WDR17: variants seen among roughly 807,000 people sequenced by gnomAD.
WDR17 encodes the protein WD repeat domain 17, also known as WD repeat-containing protein 17.
WDR17 carries 143 observed loss-of-function variants against 161.7 expected under a neutral mutation model. The ratio of observed to expected loss-of-function variants is 0.88; its 90% CI spans 0.77 to 1.02. WDR17 has a LOEUF of 1.02. Among genes scored for constraint, WDR17 ranks in the 50% least tolerant of loss-of-function variants. The pLI, the probability that WDR17 is intolerant of heterozygous loss-of-function variation, is 0.00. For synonymous variants in WDR17, 517 were observed against 515.6 expected, an observed-to-expected ratio of 1.00 and a Z score of -0.04; for missense variants, 1,469 against 1,520.9, an observed-to-expected ratio of 0.97 and a Z score of 0.57.
Position 176,146,156 on chromosome 4 carries a change from A to T in WDR17, c.1691A>T (p.Asp564Val). Residue 564 changes from aspartate to valine, a missense_variant, in exon 12 of 29, where the codon GAT (aspartate) becomes GTT (valine). Transcript: ENST00000508596. ...GGAATTCTTTGCAGTGGTTCTGATG[A>T]TGGGTATGTATTTTTGGATTCTAAT... ...REGILCSGSDDGTVRIWDYTQ... is the reference protein window; with the variant it reads ...REGILCSGSDVGTVRIWDYTQ... 1 of 1,610,388 alleles carries T rather than the reference A, an allele frequency of 6.2e-7. No homozygotes were observed. Among genetic ancestry groups the T allele is most frequent in the Non-Finnish European group, 8.5e-7 (1 of 1,178,716 alleles).
chr4:176,141,402 A>G (rs761980035), intron 10 of WDR17, among the ~76,000 whole-genome samples: 1 of 152,186 alleles, frequency 6.6e-6, no homozygotes, highest in African/African-American at 2.4e-5. Flanking sequence ...TTTAAAATGT[A>G]TTACACTATG....
At chr4:176,161,092 T>C (rs1748972285) in intron 20 of WDR17, 90 bp downstream of exon 20, 2 of 1,011,438 alleles carry the variant, frequency 2.0e-6, no homozygotes, top group South Asian at 2.0e-5. Flanking sequence ...TCCTTCTTTG[T>C]ATACTGATGA....
intron 1 of WDR17, among the ~76,000 whole-genome samples, chr4:176,078,070 G>A (rs866057370): frequency 1.1e-4 from 17 of 152,130 alleles, no homozygotes; most frequent in African/African-American, 3.6e-4. Flanking sequence ...TCTACTCAGT[G>A]TAATTATCTT....
intron 27 of WDR17, 30 bp downstream of exon 27, chr4:176,177,186 G>A (rs766569502): frequency 1.3e-6 from 2 of 1,575,954 alleles, no homozygotes; most frequent in Non-Finnish European, 1.7e-6. Context: ...AAATTGGAAT[G>A]CAGAAGGTAT....
chr4:176,153,550 A>C (rs1747573998), intron 17 of WDR17, among the ~76,000 whole-genome samples: 1 of 152,168 alleles, frequency 6.6e-6, no homozygotes, highest in Non-Finnish European at 1.5e-5. Context: ...CTGTATATGC[A>C]TTTTAGTTCA....
At chr4:176,093,390 T>C (rs1182060924) in intron 1 of WDR17, among the ~76,000 whole-genome samples, 1 of 152,136 alleles carries the variant, frequency 6.6e-6, no homozygotes, top group African/African-American at 2.4e-5. Flanking sequence ...AGTCATCTTG[T>C]GAAAAAAATG....
chr4:176,087,503 G>A lies in WDR17; in HGVS notation c.-7+21424G>A, dbSNP rs114367588. Among the ~76,000 whole-genome samples the A allele has an allele frequency of 9.2e-3, 1,393 of 152,136 alleles. 10 individuals carry two copies. Among genetic ancestry groups the A allele is most frequent in the Non-Finnish European group, 0.015 (1,038 of 67,998 alleles). ...GTATCGCTTTAACTTACCCTGCTTGGAGCTTGGTAGCTTCAGAAATCTTAG... is the reference window on the plus strand; with the variant it reads ...GTATCGCTTTAACTTACCCTGCTTGAAGCTTGGTAGCTTCAGAAATCTTAG... On this transcript the variant is annotated intron_variant, in intron 1 of 28. Transcript: ENST00000508596.
chr4:176,165,006 G>T (rs1396452042), intron 22 of WDR17, among the ~76,000 whole-genome samples: 2 of 146,658 alleles, frequency 1.4e-5, no homozygotes, highest in African/African-American at 5.1e-5. Context: ...GATGAAAGGG[G>T]ATTTGTTTTT....
At chr4:176,125,472 T>G in intron 5 of WDR17, 117 bp downstream of exon 5, 1 of 1,221,230 alleles carries the variant, frequency 8.2e-7, no homozygotes, top group Non-Finnish European at 1.1e-6. Context: ...GCTCAATTAT[T>G]ATTTATTGTA....
At chr4:176,131,763 T>G in intron 7 of WDR17, 25 bp downstream of exon 7, 5 of 1,515,666 alleles carry the variant, frequency 3.3e-6, no homozygotes, top group Non-Finnish European at 4.4e-6. Flanking sequence ...ATTCCTTTAT[T>G]ATACATAATA....
intron 1 of WDR17, among the ~76,000 whole-genome samples, chr4:176,102,450 C>T (rs1737970667): frequency 1.3e-5 from 2 of 152,136 alleles, no homozygotes; most frequent in African/African-American, 2.4e-5. Flanking sequence ...TCTTACAAAG[C>T]TAAACATATT....
chr4:176,101,388 C>A (rs1023106712), intron 1 of WDR17, among the ~76,000 whole-genome samples: 14 of 152,098 alleles, frequency 9.2e-5, no homozygotes, highest in African/African-American at 3.4e-4. Context: ...TGTAGTTCAT[C>A]ATGTGCACCT....
At chr4:176,083,186 T>G (rs62339392) in intron 1 of WDR17, among the ~76,000 whole-genome samples, 5,810 of 152,008 alleles carry the variant, frequency 0.038, 178 homozygotes, top group South Asian at 0.081. Flanking sequence ...TTTTTTAATG[T>G]TTAGACTAGA....
chr4:176,177,560 T>G lies in WDR17; in HGVS notation c.3638T>G (p.Leu1213Arg), dbSNP rs1343722432. Reference protein sequence around the residue: ...TLLKRLKEESLKGIIGPDYVT... With the variant: ...TLLKRLKEESRKGIIGPDYVT... ...TTAAAGAGACTAAAAGAAGAGTCAC[T>G]GAAAGGAATTATTGGACCAGATTAT... Residue 1213 changes from leucine to arginine, a missense_variant, in exon 28 of 29, where the codon CTG (leucine) becomes CGG (arginine). By Grantham distance (102) the Leu-to-Arg change is moderately radical. Transcript: ENST00000508596. The G allele has an allele frequency of 6.3e-7, 1 of 1,598,706 alleles. No homozygotes were observed. Among genetic ancestry groups the G allele is most frequent in the East Asian group, 2.2e-5 (1 of 44,586 alleles).
At chr4:176,090,917 G>A (rs746717189) in intron 1 of WDR17, among the ~76,000 whole-genome samples, 29 of 152,214 alleles carry the variant, frequency 1.9e-4, no homozygotes, top group Non-Finnish European at 3.2e-4. Flanking sequence ...TGCAGCAGGA[G>A]CATGTCCTTA....
intron 1 of WDR17, among the ~76,000 whole-genome samples, chr4:176,093,653 A>G (rs17062501): frequency 0.042 from 6,444 of 152,188 alleles, 433 homozygotes; most frequent in African/African-American, 0.15. Context: ...AAGATGTGTA[A>G]TAAATTTCCT....
chr4:176,160,185 A>G, intron 19 of WDR17, 59 bp downstream of exon 19: 1 of 1,588,740 alleles, frequency 6.3e-7, no homozygotes, highest in East Asian at 2.2e-5. Flanking sequence ...TAGAAGGGAG[A>G]AGGTTGTGTT....
chr4:176,078,838 A>C (rs1249258849), intron 1 of WDR17, among the ~76,000 whole-genome samples: 2 of 152,052 alleles, frequency 1.3e-5, no homozygotes, highest in African/African-American at 4.8e-5. Context: ...TCAGGATAGT[A>C]TATCTGTCAC....
Position 176,117,351 on chromosome 4 carries a change from G to C in WDR17, c.307+1372G>C, listed in dbSNP as rs568733595. Reference sequence around the variant, plus strand: ...TTCCAAGTACTTTAAATCCAGCTTTGTGTGAGATTAATTTTAAATAACACA... The same window carrying C: ...TTCCAAGTACTTTAAATCCAGCTTTCTGTGAGATTAATTTTAAATAACACA... On this transcript the variant is annotated intron_variant, in intron 3 of 28. Transcript: ENST00000508596. Among the ~76,000 whole-genome samples, 8 of 151,930 alleles carry C rather than the reference G, an allele frequency of 5.3e-5. No homozygotes were observed. In the South Asian group the frequency reaches 1.7e-3, roughly 31 times the overall value.
Sources: allele counts gnomAD v4.1 joint callset (sites outside exome capture counted in the v4.1 genomes callset), GRCh38; gene constraint gnomAD v4.1.1; transcripts MANE v1.5; gene names NCBI Gene and HGNC (gene_info 2026-07-23, HGNC 2026-07-21).